The following DLG2 variants were observed in gnomAD, a reference collection of about 807,000 sequenced individuals.
DLG2 encodes discs large MAGUK scaffold protein 2.
In DLG2, 45 loss-of-function variants were observed where a neutral mutation model predicts 132.5. The observed-to-expected ratio is 0.34, with a 90% confidence interval of 0.27 to 0.44. The LOEUF is 0.44. Among genes scored for constraint, DLG2 ranks in the 20% least tolerant of loss-of-function variants. DLG2 has a pLI of 1.00. For missense variants in DLG2, 1,045 were observed against 1,196.9 expected (o/e 0.87, Z 1.87); for synonymous variants, 424 against 419.6 (o/e 1.01, Z -0.13).
intron 6 of DLG2, among the ~76,000 whole-genome samples, chr11:85,066,370 A>G (rs758361612): frequency 1.3e-5 from 2 of 151,744 alleles, no homozygotes; most frequent in African/African-American, 4.8e-5. Flanking sequence ...CCAGATGTAC[A>G]AAAGACAGTG....
chr11:84,148,386 C>T (rs978211507), intron 9 of DLG2, among the ~76,000 whole-genome samples: 1 of 152,100 alleles, frequency 6.6e-6, no homozygotes, highest in Non-Finnish European at 1.5e-5. Flanking sequence ...TTCCCTCTCC[C>T]CTCTGATGTT....
chr11:84,513,770 C>T (rs1196605546), intron 7 of DLG2, among the ~76,000 whole-genome samples: 4 of 151,240 alleles, frequency 2.6e-5, no homozygotes, highest in African/African-American at 9.7e-5. Flanking sequence ...GACATTGGTC[C>T]AGGCCCCCCA....
intron 21 of DLG2, among the ~76,000 whole-genome samples, chr11:83,488,123 A>G (rs1864775): frequency 0.34 from 51,501 of 151,902 alleles, 9,039 homozygotes; most frequent in Middle Eastern, 0.45. Flanking sequence ...CCTCTCCCCA[A>G]TCTCATAGTA....
chr11:84,976,594 A>G lies in DLG2; in HGVS notation c.357+135067T>C, dbSNP rs1012303589. Among the ~76,000 whole-genome samples, 19 of 152,128 alleles carry G rather than the reference A, an allele frequency of 1.2e-4. 1 individual carries two copies. Among genetic ancestry groups the G allele is most frequent in the South Asian group, 4.1e-4 (2 of 4,830 alleles). On this transcript the variant is annotated intron_variant, in intron 6 of 27. Coordinates refer to ENST00000376104, the MANE Select transcript of DLG2 (RefSeq NM_001142699.3). The stretch of plus-strand genomic sequence containing the variant: ...TGAGTGGTTTCCTCCAGCCAAAGTC[A>G]AGGGTTTCTAGACTTCTATTTATTA...
chr11:85,148,693 G>T (rs1042195625), intron 5 of DLG2, among the ~76,000 whole-genome samples: 2 of 152,162 alleles, frequency 1.3e-5, no homozygotes, highest in Non-Finnish European at 2.9e-5. Flanking sequence ...CCCCCATTCT[G>T]TAGGTTGCCT....
intron 16 of DLG2, among the ~76,000 whole-genome samples, chr11:83,846,797 A>C (rs1208380350): frequency 1.3e-5 from 2 of 152,174 alleles, no homozygotes; most frequent in East Asian, 1.9e-4. Flanking sequence ...CCACATATCA[A>C]ACATGATAAT....
At chr11:84,722,095 A>G (rs2061903084) in intron 6 of DLG2, among the ~76,000 whole-genome samples, 1 of 152,216 alleles carries the variant, frequency 6.6e-6, no homozygotes, top group South Asian at 2.1e-4. Flanking sequence ...AGAGTTTAGA[A>G]AACAGCATCA....
chr11:84,371,529 T>C (rs891644510), intron 7 of DLG2, among the ~76,000 whole-genome samples: 8 of 152,240 alleles, frequency 5.3e-5, no homozygotes, highest in Admixed American at 1.3e-4. Flanking sequence ...GTTACAGCTG[T>C]GAGCCACCAC....
chr11:83,667,993 A>AAAAG (rs2075991592), intron 18 of DLG2, among the ~76,000 whole-genome samples: 2 of 147,738 alleles, frequency 1.4e-5, no homozygotes, highest in African/African-American at 2.5e-5. Flanking sequence ...AAAAAAAAAA[A>AAAAG]AAAAGAAATT....
intron 6 of DLG2, among the ~76,000 whole-genome samples, chr11:84,740,721 C>A (rs2064499971): frequency 6.6e-6 from 1 of 152,166 alleles, no homozygotes. Context: ...GCAGGGAAAC[C>A]AACCCCTGCC....
chr11:85,158,169 A>G (rs2077729997), intron 4 of DLG2, among the ~76,000 whole-genome samples: 1 of 152,178 alleles, frequency 6.6e-6, no homozygotes, highest in South Asian at 2.1e-4. Context: ...TAATTTATAT[A>G]AACAGAAATC....
At chr11:85,070,644 G>A (rs1013597648) in intron 6 of DLG2, among the ~76,000 whole-genome samples, 5 of 151,826 alleles carry the variant, frequency 3.3e-5, no homozygotes, top group Non-Finnish European at 7.4e-5. Flanking sequence ...CTAGGTACTG[G>A]AAATTGAACC....
chr11:83,906,294 C>G (rs1413229663), intron 15 of DLG2, among the ~76,000 whole-genome samples: 2 of 146,390 alleles, frequency 1.4e-5, no homozygotes, highest in Non-Finnish European at 3.0e-5. Flanking sequence ...CACACACACA[C>G]ACACACACAC....
intron 3 of DLG2, among the ~76,000 whole-genome samples, chr11:85,587,126 C>G (rs1458197345): frequency 6.6e-6 from 1 of 152,132 alleles, no homozygotes; most frequent in Non-Finnish European, 1.5e-5. Context: ...ATCCTATGGT[C>G]TATCTTGGAG....
chr11:85,294,348 TAA>T (rs56364347), intron 3 of DLG2, among the ~76,000 whole-genome samples: 1 of 145,640 alleles, frequency 6.9e-6, no homozygotes, highest in South Asian at 2.2e-4. Context: ...GTAACATTTG[TAA>T]AAAAAAAAAA....
At chr11:83,606,491 C>T (rs2059345617) in intron 19 of DLG2, among the ~76,000 whole-genome samples, 2 of 152,114 alleles carry the variant, frequency 1.3e-5, no homozygotes, top group African/African-American at 4.8e-5. Flanking sequence ...ACTAGTATTT[C>T]TCATCATCTT....
chr11:84,270,671 G>A (rs2097709045), intron 7 of DLG2, among the ~76,000 whole-genome samples: 1 of 152,164 alleles, frequency 6.6e-6, no homozygotes, highest in Non-Finnish European at 1.5e-5. Context: ...GACCATCTAG[G>A]TGGCTCCGCA....
At chr11:83,712,522 C>T (rs950584517) in intron 18 of DLG2, among the ~76,000 whole-genome samples, 5 of 151,858 alleles carry the variant, frequency 3.3e-5, no homozygotes, top group Admixed American at 6.6e-5. Context: ...CCCAGCTACT[C>T]GGGAGGCTGA....
At chr11:83,471,857 T>A (rs1349274110) in intron 23 of DLG2, 130 bp from the exon 24 acceptor site, 5 of 707,316 alleles carry the variant, frequency 7.1e-6, no homozygotes, top group African/African-American at 3.6e-5. Context: ...CTGGATAAAT[T>A]ACTCATACAG....
Sources: allele counts gnomAD v4.1 joint callset (sites outside exome capture counted in the v4.1 genomes callset), GRCh38; gene constraint gnomAD v4.1.1; transcripts MANE v1.5; gene names NCBI Gene and HGNC (gene_info 2026-07-23, HGNC 2026-07-21).